Variants in CHRNB3 observed in about 807,000 individuals in gnomAD.
CHRNB3 encodes the protein neuronal acetylcholine receptor subunit beta-3.
In CHRNB3, 37 loss-of-function variants were observed where a neutral mutation model predicts 40.6. The ratio of observed to expected loss-of-function variants is 0.91; its 90% CI spans 0.70 to 1.20. The LOEUF (loss-of-function observed/expected upper bound fraction) is 1.20, where lower values mean the gene tolerates loss of function less well. Among genes scored for constraint, CHRNB3 ranks in the 50% most tolerant of loss-of-function variants. The pLI is 0.00. For synonymous variants in CHRNB3, 207 were observed against 207.1 expected, an observed-to-expected ratio of 1.00 and a Z score of 0.00; for missense variants, 505 against 551.2, an observed-to-expected ratio of 0.92 and a Z score of 0.84.
intron 1 of CHRNB3, among the ~76,000 whole-genome samples, chr8:42,707,072 T>C (rs116762313): frequency 0.011 from 1,688 of 152,270 alleles, 34 homozygotes; most frequent in African/African-American, 0.039. Context: ...AGTTTTTAAG[T>C]AAATAAGCAC....
chr8:42,720,623 A>G (rs978154458), intron 3 of CHRNB3, among the ~76,000 whole-genome samples: 4 of 152,162 alleles, frequency 2.6e-5, no homozygotes, highest in African/African-American at 9.7e-5. Flanking sequence ...GTGCTAGTAC[A>G]TGCCTTGCAT....
At position 42,724,796 on chromosome 8, in the gene CHRNB3, C is replaced by T. The variant is rs554575954; in HGVS notation, c.250-5798C>T. Reference sequence around the variant, plus strand: ...GAGGTCGAGACCATCCTGGCCAACACGGTGAAACCCCATCTCTACTAAAAA... The same window carrying T: ...GAGGTCGAGACCATCCTGGCCAACATGGTGAAACCCCATCTCTACTAAAAA... On this transcript the variant is annotated intron_variant, in intron 3 of 5. Transcript: ENST00000289957. 1.8e-4 allele frequency among the ~76,000 whole-genome samples: 27 copies of T among 152,022 alleles called. No individual in the cohort carries two copies. In the South Asian group the frequency reaches 5.2e-3, roughly 29 times the overall value.
At chr8:42,703,493 G>GA (rs1435803605) in intron 1 of CHRNB3, among the ~76,000 whole-genome samples, 1 of 139,382 alleles carries the variant, frequency 7.2e-6, no homozygotes. Flanking sequence ...CATCTTCTGA[G>GA]AAAAAATTCT....
At chr8:42,726,072 C>A (rs1411002686) in intron 3 of CHRNB3, 1 of 955,950 alleles carries the variant, frequency 1.0e-6, no homozygotes, top group East Asian at 2.4e-5. Context: ...AGGAATGATT[C>A]CAGTTGTTTA....
rs757437380 is a variant in CHRNB3 at position 42,730,589 on chromosome 8, T to C, written c.250-5T>C. 5.2e-6 allele frequency: 8 copies of C among 1,548,234 alleles called. No individual in the cohort carries two copies. The highest frequency in any genetic ancestry group is 7.0e-6 in the Non-Finnish European group (8 of 1,137,158). On this transcript the variant is annotated splice_polypyrimidine_tract_variant and splice_region_variant and intron_variant, in intron 3 of 5. Transcript: ENST00000289957. ...ATAAAATCACAGTGTACTAATTTCA[T>C]GCAGGAATGGACAGACCACAAGTTA...
At chr8:42,730,453 G>C in intron 3 of CHRNB3, 141 bp from the exon 4 acceptor site, 1 of 531,218 alleles carries the variant, frequency 1.9e-6, no homozygotes, top group African/African-American at 1.9e-5. Context: ...TGAGTCCCCA[G>C]TAGGGTCACG....
chr8:42,709,589 G>A (rs935734155), intron 2 of CHRNB3, among the ~76,000 whole-genome samples: 3 of 152,022 alleles, frequency 2.0e-5, no homozygotes, highest in African/African-American at 7.3e-5. Context: ...TGCAAAGCCC[G>A]TCTCCAGTTT....
At chr8:42,701,328 C>T (rs936824372) in intron 1 of CHRNB3, among the ~76,000 whole-genome samples, 3 of 151,610 alleles carry the variant, frequency 2.0e-5, no homozygotes, top group Admixed American at 2.0e-4. Context: ...ATTACTTGAG[C>T]CCAGGAGCTC....
intron 1 of CHRNB3, among the ~76,000 whole-genome samples, chr8:42,700,556 G>A (rs1815773713): frequency 1.3e-5 from 2 of 151,834 alleles, no homozygotes; most frequent in South Asian, 4.2e-4. Context: ...CTGACCTTAG[G>A]AGATCCACCC....
chr8:42,720,546 A>G (rs918375613), intron 3 of CHRNB3, among the ~76,000 whole-genome samples: 28 of 152,044 alleles, frequency 1.8e-4, no homozygotes, highest in African/African-American at 6.3e-4. Flanking sequence ...AGGTGTGGGT[A>G]TTTGTTAGTT....
chr8:42,722,387 A>G (rs1816233972), intron 3 of CHRNB3, among the ~76,000 whole-genome samples: 1 of 151,670 alleles, frequency 6.6e-6, no homozygotes, highest in African/African-American at 2.4e-5. Context: ...GAAAAGAAAA[A>G]AAAAAGATCT....
At chr8:42,728,856 A>G (rs1190687607) in intron 3 of CHRNB3, among the ~76,000 whole-genome samples, 1 of 152,214 alleles carries the variant, frequency 6.6e-6, no homozygotes, top group Non-Finnish European at 1.5e-5. Flanking sequence ...CGAAGTGCAT[A>G]AAGTGGAATT....
chr8:42,700,703 A>T (rs572667996), intron 1 of CHRNB3, among the ~76,000 whole-genome samples: 2 of 152,348 alleles, frequency 1.3e-5, no homozygotes, highest in East Asian at 3.9e-4. Flanking sequence ...ATTTTTATGA[A>T]ATCCTGTTCA....
chr8:42,711,148 G>T (rs1393741816), intron 3 of CHRNB3, among the ~76,000 whole-genome samples: 1 of 151,962 alleles, frequency 6.6e-6, no homozygotes, highest in Non-Finnish European at 1.5e-5. Flanking sequence ...TATCTACAAA[G>T]AGAAAATATT....
chr8:42,708,622 T>C (rs1709492901), intron 1 of CHRNB3, 95 bp from the exon 2 acceptor site: 6 of 1,368,110 alleles, frequency 4.4e-6, no homozygotes, highest in South Asian at 4.1e-5. Flanking sequence ...ACACAGCCTA[T>C]GGTGCAGGAG....
At chr8:42,708,997 GCCC>G (rs1431863816) in intron 2 of CHRNB3, 129 bp downstream of exon 2, 1 of 1,050,318 alleles carries the variant, frequency 9.5e-7, no homozygotes, top group Non-Finnish European at 1.3e-6. Flanking sequence ...GAGAAAATCT[GCCC>G]CCAAGAAGCC....
chr8:42,729,232 C>T (rs181418060), intron 3 of CHRNB3, among the ~76,000 whole-genome samples: 138 of 151,928 alleles, frequency 9.1e-4, no homozygotes, highest in African/African-American at 3.1e-3. Flanking sequence ...ACGGTGAAAC[C>T]CCGTCTCCAC....
chr8:42,736,296 T>G (rs527294477), intron 5 of CHRNB3, among the ~76,000 whole-genome samples, 188 bp from the exon 6 acceptor site: 184 of 152,360 alleles, frequency 1.2e-3, no homozygotes, highest in African/African-American at 4.1e-3. Context: ...CCAAGCTGCT[T>G]CTTTTGGGCA....
In CHRNB3 at chr8:42,736,473, C is replaced by G; in HGVS notation, c.1243-11C>G. ...TGTCTTGAGTGAAAGGCATCTTTTT[C>G]TCTTTTGCAGGTAGTACAAGACTGG... is the stretch of plus-strand genomic sequence containing the variant. On this transcript the variant is annotated splice_polypyrimidine_tract_variant and intron_variant, in intron 5 of 5. Coordinates refer to ENST00000289957, the MANE Select transcript of CHRNB3 (RefSeq NM_000749.5). 6.2e-7 allele frequency: 1 copy of G among 1,612,904 alleles called. No individual in the cohort carries two copies. The highest frequency in any genetic ancestry group is 8.5e-7 in the Non-Finnish European group (1 of 1,179,750).
Sources: gnomAD v4.1 joint callset for allele counts (sites outside exome capture counted in the v4.1 genomes callset) on GRCh38, gnomAD v4.1.1 for gene constraint, MANE v1.5 for transcripts, NCBI Gene and HGNC (gene_info 2026-07-23, HGNC 2026-07-21) for gene names.